PRKDC: variants seen among roughly 807,000 people sequenced by gnomAD.
The protein encoded by PRKDC is DNA-dependent protein kinase catalytic subunit.
PRKDC carries 82 observed loss-of-function variants against 486.9 expected under a neutral mutation model. The observed-to-expected ratio is 0.17, with a 90% CI of 0.14 to 0.20. The LOEUF (loss-of-function observed/expected upper bound fraction) is 0.20, where lower values mean the gene tolerates loss of function less well. Among genes scored for constraint, PRKDC ranks in the 10% least tolerant of loss-of-function variants. The pLI, the probability that PRKDC is intolerant of heterozygous loss-of-function variation, is 1.00. For missense variants in PRKDC, 4,504 were observed against 5,038.2 expected (o/e 0.89, Z 3.21); for synonymous variants, 1,895 against 1,837.0 (o/e 1.03, Z -0.81).
intron 64 of PRKDC, 120 bp from the exon 65 acceptor site, chr8:47,821,912 GGAGA>G: frequency 1.0e-6 from 1 of 969,156 alleles, no homozygotes; most frequent in Non-Finnish European, 1.5e-6. Flanking sequence ...TTTACGGAAA[GGAGA>G]GAGAAAAGAG....
chr8:47,892,919 A>G (rs974679764), intron 31 of PRKDC, among the ~76,000 whole-genome samples: 2 of 152,202 alleles, frequency 1.3e-5, no homozygotes, highest in Non-Finnish European at 2.9e-5. Context: ...AATACACCAG[A>G]AAGTGTAACT....
chr8:47,886,852 TA>T (rs1197371546), intron 35 of PRKDC, among the ~76,000 whole-genome samples: 1 of 152,184 alleles, frequency 6.6e-6, no homozygotes, highest in African/African-American at 2.4e-5. Context: ...CATACCTGGC[TA>T]ATTTTTTAAA....
At chr8:47,930,488 A>G (rs1298487051) in intron 17 of PRKDC, among the ~76,000 whole-genome samples, 184 bp downstream of exon 17, 5 of 152,070 alleles carry the variant, frequency 3.3e-5, no homozygotes, top group Admixed American at 6.5e-5. Flanking sequence ...TAGCCAGGAT[A>G]GTCTTGATCT....
At position 47,858,553 on chromosome 8, in the gene PRKDC, C is replaced by T. The variant is rs760738985; in HGVS notation, c.6428G>A (p.Arg2143His). ...LGNPIVPLNI[R>H]LFLAKLVINT... ...AATAACAAGCTTGGCTAAGAAGAGACGGATATTTAATGGTACTATTGGATT... is the reference window on the plus strand; with the variant it reads ...AATAACAAGCTTGGCTAAGAAGAGATGGATATTTAATGGTACTATTGGATT... The change falls in exon 48 of 86, where the codon CGT becomes CAT. Residue 2143 changes from arginine to histidine, a missense_variant. Arg to His is a conservative substitution (Grantham distance 29). This residue lies in a region of PRKDC where 1,592 missense variants were observed against 1,724.6 expected (regional missense o/e 0.92). Coordinates refer to ENST00000314191, the MANE Select transcript of PRKDC (RefSeq NM_006904.7). 3.9e-6 allele frequency: 6 copies of T among 1,544,598 alleles called. No individual in the cohort carries two copies. The highest frequency in any genetic ancestry group is 4.0e-5 in the Admixed American group (2 of 49,956).
intron 26 of PRKDC, among the ~76,000 whole-genome samples, chr8:47,903,076 A>C (rs1433612710): frequency 6.6e-6 from 1 of 152,214 alleles, no homozygotes; most frequent in Non-Finnish European, 1.5e-5. Flanking sequence ...TTATAACAAA[A>C]CAATCTTTCC....
intron 16 of PRKDC, 57 bp from the exon 17 acceptor site, chr8:47,930,844 C>G: frequency 6.8e-7 from 1 of 1,471,578 alleles, no homozygotes; most frequent in Non-Finnish European, 9.1e-7. Context: ...AATCACTCAA[C>G]AAATAACTTT....
intron 4 of PRKDC, 100 bp downstream of exon 4, chr8:47,955,774 C>A: frequency 1.1e-6 from 1 of 908,902 alleles, no homozygotes; most frequent in Non-Finnish European, 1.7e-6. Context: ...AGATCCTATC[C>A]TTCCCCAAAC....
chr8:47,907,069 C>T (rs1374896313), intron 25 of PRKDC, among the ~76,000 whole-genome samples: 5 of 151,178 alleles, frequency 3.3e-5, no homozygotes, highest in Non-Finnish European at 7.4e-5. Context: ...GACGGAGTCT[C>T]GCTCTGTCGC....
Position 47,807,264 on chromosome 8 carries a change from T to C in PRKDC, c.9620A>G (p.Asn3207Ser), listed in dbSNP as rs1244765997. ...LTPLPEDNSMNVDQDGDPSDR... is the reference protein window; with the variant it reads ...LTPLPEDNSMSVDQDGDPSDR... ...ACTGGGGTCTCCATCTTGATCCACA[T>C]TCATACTATTATCTTCTGGAAGAGG... Residue 3207 changes from asparagine (N) to serine (S), a missense_variant, in exon 69 of 86, where the codon AAT becomes AGT. Physicochemically the swap from Asn to Ser is conservative, Grantham distance 46. Around this residue, in one of 6 missense-constraint regions of PRKDC, gnomAD observed 1,592 missense variants for 1,724.6 expected, o/e 0.92. Coordinates refer to ENST00000314191, the MANE Select transcript of PRKDC (RefSeq NM_006904.7). The C allele has an allele frequency of 6.2e-7, 1 of 1,613,154 alleles. No homozygotes were observed.
At chr8:47,924,180 T>G (rs1212331390) in intron 21 of PRKDC, among the ~76,000 whole-genome samples, 1 of 152,160 alleles carries the variant, frequency 6.6e-6, no homozygotes, top group Non-Finnish European at 1.5e-5. Context: ...TTTCCGGATG[T>G]TCTATAAAAT....
Position 47,943,314 on chromosome 8 carries a change from C to T in PRKDC, c.861G>A (p.Leu287=). 10 of 1,612,040 alleles carry T rather than the reference C, an allele frequency of 6.2e-6. No individual in the cohort carries two copies. Among genetic ancestry groups the T allele is most frequent in the Non-Finnish European group, 8.5e-6 (10 of 1,178,946 alleles). The change falls in exon 10 of 86, where the codon CTG becomes CTA. Residue 287 remains leucine, a synonymous_variant. Coordinates refer to ENST00000314191, the MANE Select transcript of PRKDC (RefSeq NM_006904.7). Reference sequence around the variant, plus strand: ...CTTCAAATAGAGACACGTAGTTGTCCAGAAGGCAGGTGCTAAACTGAGATG... The same window carrying T: ...CTTCAAATAGAGACACGTAGTTGTCTAGAAGGCAGGTGCTAAACTGAGATG... The part of the protein sequence containing the change: ...LHASQFSTCL[L]DNYVSLFEVL...
intron 80 of PRKDC, among the ~76,000 whole-genome samples, chr8:47,781,732 G>C (rs1435009108): frequency 1.3e-5 from 2 of 152,148 alleles, no homozygotes; most frequent in African/African-American, 4.8e-5. Flanking sequence ...CACTTTACAG[G>C]CTAAGTGACA....
chr8:47,795,973 C>A (rs1166208101), intron 73 of PRKDC, among the ~76,000 whole-genome samples: 4 of 151,494 alleles, frequency 2.6e-5, no homozygotes, highest in African/African-American at 9.7e-5. Context: ...CGGCTCACTG[C>A]AACCTCCGCC....
At chr8:47,926,621 C>T (rs1305055281) in intron 21 of PRKDC, among the ~76,000 whole-genome samples, 1 of 152,160 alleles carries the variant, frequency 6.6e-6, no homozygotes, top group African/African-American at 2.4e-5. Context: ...CAGTTTAAGT[C>T]TGTGCCCCAC....
chr8:47,773,270 C>A lies in PRKDC; in HGVS notation c.*903G>T. The A allele has an allele frequency of 4.4e-6, 1 of 227,338 alleles. No individual in the cohort carries two copies. Among genetic ancestry groups the A allele is most frequent in the East Asian group, 6.4e-5 (1 of 15,640 alleles). The allele number at this position is 227,338 out of a possible 1,614,324, so 14.1% of individuals were successfully genotyped here. On this transcript the variant is annotated 3_prime_UTR_variant, in exon 86 of 86. Coordinates refer to ENST00000314191, the MANE Select transcript of PRKDC (RefSeq NM_006904.7). ...GAGGACTGGCGGGGGGGGACAGGGA[C>A]TGCACATGGGAAGGAGCCACTTTTG...
At chr8:47,928,227 T>C (rs889680028) in intron 19 of PRKDC, among the ~76,000 whole-genome samples, 3 of 150,676 alleles carry the variant, frequency 2.0e-5, no homozygotes, top group African/African-American at 4.9e-5. Flanking sequence ...CAATCTCGGC[T>C]CACTGCAACC....
chr8:47,934,162 G>T (rs1417697626), intron 14 of PRKDC, 72 bp from the exon 15 acceptor site: 4 of 1,476,552 alleles, frequency 2.7e-6, no homozygotes, highest in Non-Finnish European at 2.7e-6. Flanking sequence ...AGAACATGCT[G>T]GTTTTCAGAA....
At chr8:47,827,276 A>G (rs1490720892) in intron 62 of PRKDC, among the ~76,000 whole-genome samples, 2 of 152,206 alleles carry the variant, frequency 1.3e-5, no homozygotes, top group Non-Finnish European at 2.9e-5. Context: ...TCATTTCAGA[A>G]AAGTATTAAC....
Position 47,839,060 on chromosome 8 carries a change from A to G in PRKDC, c.7553+88T>C, listed in dbSNP as rs141859926. The G allele has an allele frequency of 5.4e-5, 55 of 1,014,506 alleles. No individual in the cohort carries two copies. The East Asian group carries it at 1.3e-3, about 25-fold the overall frequency. The allele number at this position is 1,014,506 out of a possible 1,614,324, so 62.8% of individuals were successfully genotyped here. On this transcript the variant is annotated intron_variant, in intron 56 of 85. Transcript: ENST00000314191. ...GAGAAAATGCTAATACTGCAAATAC[A>G]TTTCTAAAACTCCTGAAAAATACTC...
Sources: allele counts gnomAD v4.1 joint callset (sites outside exome capture counted in the v4.1 genomes callset), GRCh38; gene constraint gnomAD v4.1.1; regional missense constraint gnomAD v4.1.1; transcripts MANE v1.5; gene names NCBI Gene and HGNC (gene_info 2026-07-23, HGNC 2026-07-21).